Variants in POF1B observed in about 807,000 individuals in gnomAD.
The protein encoded by POF1B is POF1B actin binding protein.
In POF1B, 53 loss-of-function variants were observed where a neutral mutation model predicts 55.3. That is an observed-to-expected ratio of 0.96 (90% CI 0.77 to 1.20). POF1B has a LOEUF of 1.20. Among genes scored for constraint, POF1B ranks in the 50% most tolerant of loss-of-function variants. The pLI is 0.00. For missense variants in POF1B, 478 were observed against 420.5 expected (o/e 1.14, Z -1.20); for synonymous variants, 188 against 148.3 (o/e 1.27, Z -1.95).
intron 6 of POF1B, among the ~76,000 whole-genome samples, chrX:85,338,772 G>C (rs1340979533): frequency 5.5e-5 from 6 of 109,815 alleles, no homozygotes; most frequent in Non-Finnish European, 1.1e-4. Flanking sequence ...GAGTGGCAAA[G>C]CAGACAGAGC....
At chrX:85,317,075 A>G (rs889255062) in intron 7 of POF1B, among the ~76,000 whole-genome samples, 4 of 110,185 alleles carry the variant, frequency 3.6e-5, no homozygotes, top group Non-Finnish European at 7.6e-5. Context: ...ATATGGCTAT[A>G]TACTATTCCA....
chrX:85,351,345 C>T lies in POF1B; in HGVS notation c.540+5G>A, dbSNP rs762706640. On this transcript the variant is annotated splice_donor_5th_base_variant and intron_variant, in intron 5 of 16. Coordinates refer to ENST00000262753, the MANE Select transcript of POF1B (RefSeq NM_024921.4). ...AAACAAGTTTTAAAACAAAATATTA[C>T]TTACCTGATCAGTATTTAGCTTCTC... The T allele has an allele frequency of 2.7e-6, 3 of 1,121,271 alleles. No homozygotes were observed. The highest frequency in any genetic ancestry group is 3.9e-5 in the South Asian group (2 of 51,102). The allele number at this position is 1,121,271 out of a possible 1,213,427, so 92.4% of individuals were successfully genotyped here. A position where few individuals can be genotyped will look rare whatever the true frequency, so the allele number is the denominator to read the frequency against.
intron 4 of POF1B, among the ~76,000 whole-genome samples, chrX:85,356,623 T>A (rs1933507829): frequency 9.0e-6 from 1 of 110,983 alleles, no homozygotes; most frequent in Admixed American, 9.6e-5. Context: ...CAAAAATTGA[T>A]TTAAATAAAC....
chrX:85,300,664 A>G (rs1280685438), intron 15 of POF1B, among the ~76,000 whole-genome samples: 1 of 111,990 alleles, frequency 8.9e-6, no homozygotes, highest in Admixed American at 9.5e-5. Context: ...CATGCAAAGA[A>G]ACAAGAAAAT....
intron 4 of POF1B, among the ~76,000 whole-genome samples, chrX:85,355,840 A>G (rs985028048): frequency 2.7e-5 from 3 of 111,714 alleles, no homozygotes; most frequent in African/African-American, 9.8e-5. Flanking sequence ...GAGAAATAGG[A>G]ACACGTTTAC....
chrX:85,281,652 T>G (rs1431343138), intron 16 of POF1B, among the ~76,000 whole-genome samples: 1 of 109,140 alleles, frequency 9.2e-6, no homozygotes, highest in East Asian at 2.9e-4. Flanking sequence ...ACTATAACTG[T>G]GGGATTTAAG....
intron 5 of POF1B, among the ~76,000 whole-genome samples, chrX:85,348,575 A>C (rs900057115): frequency 9.0e-6 from 1 of 111,081 alleles, no homozygotes; most frequent in African/African-American, 3.3e-5. Context: ...AGATTGTCCT[A>C]GTTTATCTCC....
At chrX:85,373,825 G>T (rs1183285640) in intron 2 of POF1B, among the ~76,000 whole-genome samples, 2 of 111,428 alleles carry the variant, frequency 1.8e-5, no homozygotes, top group Admixed American at 9.6e-5. Flanking sequence ...TAATTTCAGG[G>T]TGTCTAGATT....
At chrX:85,356,609 A>G (rs1217956253) in intron 4 of POF1B, among the ~76,000 whole-genome samples, 2 of 111,371 alleles carry the variant, frequency 1.8e-5, no homozygotes, top group African/African-American at 3.3e-5. Context: ...GTAAGGAAGT[A>G]AATCAAAAAT....
chrX:85,304,668 A>C (rs982756762), intron 13 of POF1B, among the ~76,000 whole-genome samples, 197 bp from the exon 14 acceptor site: 5 of 110,857 alleles, frequency 4.5e-5, no homozygotes, highest in African/African-American at 1.6e-4. Flanking sequence ...TCCTTTTTTT[A>C]AGGTGTCTTT....
intron 3 of POF1B, among the ~76,000 whole-genome samples, chrX:85,363,755 A>G (rs1933668176): frequency 9.0e-6 from 1 of 111,349 alleles, no homozygotes; most frequent in Admixed American, 9.6e-5. Context: ...GTAGAGGTCT[A>G]TCTGATATAT....
At chrX:85,360,553 A>ATATATATATATATATATATATATG (rs1442553989) in intron 3 of POF1B, among the ~76,000 whole-genome samples, 1 of 85,348 alleles carries the variant, frequency 1.2e-5, no homozygotes, top group African/African-American at 6.9e-5. Flanking sequence ...ATATATATAT[A>ATATATATATATATATATATATATG]TATATACATA....
At chrX:85,299,218 G>A (rs1218534982) in intron 15 of POF1B, among the ~76,000 whole-genome samples, 6 of 87,197 alleles carry the variant, frequency 6.9e-5, no homozygotes, top group African/African-American at 2.6e-4. Context: ...TTGAGACGGA[G>A]TCTTGCTCAG....
intron 7 of POF1B, among the ~76,000 whole-genome samples, 200 bp downstream of exon 7, chrX:85,330,749 A>G (rs182333852): frequency 1.3e-4 from 15 of 111,618 alleles, no homozygotes; most frequent in African/African-American, 4.9e-4. Context: ...GCACACCAAC[A>G]TGGCGCATGT....
chrX:85,369,972 G>A (rs1175237377), intron 2 of POF1B, among the ~76,000 whole-genome samples: 1 of 112,009 alleles, frequency 8.9e-6, no homozygotes, highest in Non-Finnish European at 1.9e-5. Flanking sequence ...GGTAGCTGTT[G>A]TAGAAATGAT....
At chrX:85,303,324 T>C in intron 15 of POF1B, 82 bp downstream of exon 15, 1 of 625,807 alleles carries the variant, frequency 1.6e-6, no homozygotes, top group South Asian at 3.2e-5. Flanking sequence ...CTGTCTAGCT[T>C]GTATATACCA....
intron 15 of POF1B, among the ~76,000 whole-genome samples, chrX:85,295,460 T>C (rs963438898): frequency 4.5e-5 from 5 of 111,876 alleles, no homozygotes; most frequent in Non-Finnish European, 9.4e-5. Context: ...ATTTTTTATT[T>C]CTTTCTTGAT....
chrX:85,322,192 T>C (rs939525289), intron 7 of POF1B, among the ~76,000 whole-genome samples: 1 of 111,103 alleles, frequency 9.0e-6, no homozygotes, highest in East Asian at 2.8e-4. Context: ...GACTTCAAAC[T>C]ATACTACAAG....
intron 7 of POF1B, among the ~76,000 whole-genome samples, chrX:85,330,278 G>A (rs1453666807): frequency 9.1e-6 from 1 of 109,762 alleles, no homozygotes; most frequent in Non-Finnish European, 1.9e-5. Flanking sequence ...ATAAAATTAT[G>A]TTTATGTTTA....
Sources: gnomAD v4.1 joint callset for allele counts (sites outside exome capture counted in the v4.1 genomes callset) on GRCh38, gnomAD v4.1.1 for gene constraint, MANE v1.5 for transcripts, NCBI Gene and HGNC (gene_info 2026-07-23, HGNC 2026-07-21) for gene names.